PITPNC1: variants seen among roughly 807,000 people sequenced by gnomAD.
PITPNC1 encodes phosphatidylinositol transfer protein cytoplasmic 1.
Under a neutral mutation model 44.7 loss-of-function variants are expected in PITPNC1, and 18 were observed. That is an observed-to-expected ratio of 0.40 (90% confidence interval 0.28 to 0.60). The LOEUF is 0.60. PITPNC1 is among the 20% of genes least tolerant of loss of function. PITPNC1 has a pLI of 0.39. For missense variants in PITPNC1, 290 were observed against 418.4 expected (o/e 0.69, Z 2.68); for synonymous variants, 141 against 149.6 (o/e 0.94, Z 0.42).
At chr17:67,378,955 G>T in intron 1 of PITPNC1, 1 of 984,994 alleles carries the variant, frequency 1.0e-6, no homozygotes, top group Non-Finnish European at 1.2e-6. Flanking sequence ...CCGGGCGCGG[G>T]GCGGGGGCTC....
chr17:67,467,258 T>TCGA (rs1318972494), intron 1 of PITPNC1, among the ~76,000 whole-genome samples: 1 of 151,978 alleles, frequency 6.6e-6, no homozygotes, highest in East Asian at 1.9e-4. Flanking sequence ...TTCACCATGT[T>TCGA]GGCCAGGCTG....
chr17:67,429,668 A>G (rs1341087517), intron 1 of PITPNC1, among the ~76,000 whole-genome samples: 1 of 151,620 alleles, frequency 6.6e-6, no homozygotes, highest in African/African-American at 2.4e-5. Context: ...ACTGCACTCC[A>G]GCCTGGATGA....
At chr17:67,380,558 T>C (rs1016292387) in intron 1 of PITPNC1, among the ~76,000 whole-genome samples, 4 of 152,208 alleles carry the variant, frequency 2.6e-5, no homozygotes, top group Admixed American at 2.6e-4. Context: ...GATTAATAGA[T>C]GTTTCCAATT....
At chr17:67,617,275 G>A (rs1264966106) in intron 5 of PITPNC1, among the ~76,000 whole-genome samples, 2 of 152,236 alleles carry the variant, frequency 1.3e-5, no homozygotes, top group Admixed American at 6.5e-5. Flanking sequence ...GGAGGCCGAG[G>A]TGGGTGGATC....
intron 1 of PITPNC1, among the ~76,000 whole-genome samples, chr17:67,443,678 A>G (rs2039050835): frequency 7.6e-6 from 1 of 132,088 alleles, no homozygotes; most frequent in Admixed American, 8.6e-5. Flanking sequence ...TCTTTTGACC[A>G]GGCTGGAGTG....
intron 2 of PITPNC1, among the ~76,000 whole-genome samples, chr17:67,549,984 C>A (rs879897561): frequency 1.3e-5 from 2 of 152,096 alleles, no homozygotes; most frequent in Non-Finnish European, 2.9e-5. Flanking sequence ...AGGAAGGAAC[C>A]AGGGGAAGTT....
chr17:67,493,824 T>A (rs1312314470), intron 1 of PITPNC1, among the ~76,000 whole-genome samples: 1 of 152,228 alleles, frequency 6.6e-6, no homozygotes, highest in Non-Finnish European at 1.5e-5. Context: ...TTTGTCTTCC[T>A]TGCAGAATGA....
chr17:67,667,490 C>A (rs1422157751), intron 6 of PITPNC1, among the ~76,000 whole-genome samples: 162 of 107,596 alleles, frequency 1.5e-3, no homozygotes, highest in Admixed American at 2.1e-3. Context: ...GATCCTTTCT[C>A]AAAAAAAAAA....
chr17:67,523,584 G>T (rs2040355507), intron 1 of PITPNC1, among the ~76,000 whole-genome samples: 1 of 151,652 alleles, frequency 6.6e-6, no homozygotes, highest in Non-Finnish European at 1.5e-5. Flanking sequence ...GCTCAGAGAA[G>T]TAAATCGTCT....
At chr17:67,601,689 A>T (rs938379933) in intron 5 of PITPNC1, among the ~76,000 whole-genome samples, 1 of 152,144 alleles carries the variant, frequency 6.6e-6, no homozygotes, top group Non-Finnish European at 1.5e-5. Flanking sequence ...CAAGAGGTTG[A>T]GGCTGCAGTG....
At chr17:67,656,306 G>A (rs1316169790) in intron 6 of PITPNC1, among the ~76,000 whole-genome samples, 4 of 152,038 alleles carry the variant, frequency 2.6e-5, no homozygotes, top group African/African-American at 7.2e-5. Context: ...ATCTTCCAGC[G>A]GCTCCAAAAT....
intron 1 of PITPNC1, among the ~76,000 whole-genome samples, chr17:67,408,036 A>T (rs1354253673): frequency 6.6e-6 from 1 of 151,006 alleles, no homozygotes; most frequent in Non-Finnish European, 1.5e-5. Context: ...ATTGAACGCA[A>T]CCTCCGCCTC....
At chr17:67,390,554 G>A (rs369372812) in intron 1 of PITPNC1, among the ~76,000 whole-genome samples, 26 of 152,204 alleles carry the variant, frequency 1.7e-4, no homozygotes, top group Admixed American at 1.6e-3. Flanking sequence ...CACATGGCAC[G>A]TAAGTCCTTT....
At chr17:67,584,645 A>T (rs17655944) in intron 5 of PITPNC1, among the ~76,000 whole-genome samples, 2,525 of 152,350 alleles carry the variant, frequency 0.017, 33 homozygotes, top group South Asian at 0.046. Context: ...CATGCAAATA[A>T]GAGACATGAT....
At chr17:67,677,524 CTT>C (rs1228563445) in intron 8 of PITPNC1, among the ~76,000 whole-genome samples, 1 of 151,288 alleles carries the variant, frequency 6.6e-6, no homozygotes, top group Admixed American at 6.6e-5. Context: ...TGGGGCCTGA[CTT>C]TTCCATCTCA....
At chr17:67,586,425 C>CAAAA (rs33998127) in intron 5 of PITPNC1, among the ~76,000 whole-genome samples, 1,743 of 110,536 alleles carry the variant, frequency 0.016, 14 homozygotes, top group Middle Eastern at 0.035. Context: ...GTTTCTACTT[C>CAAAA]AAAAAAAAAA....
intron 4 of PITPNC1, among the ~76,000 whole-genome samples, chr17:67,569,206 T>C (rs16960978): frequency 0.018 from 2,693 of 152,350 alleles, 33 homozygotes; most frequent in Non-Finnish European, 0.025. Context: ...TTTCATTTTG[T>C]TCCTGTAAGT....
chr17:67,604,851 G>A lies in PITPNC1; in HGVS notation c.366+26594G>A, dbSNP rs142207791. Among the ~76,000 whole-genome samples, 418 of 152,102 alleles carry A rather than the reference G, an allele frequency of 2.7e-3. 5 individuals are homozygous for A. The highest frequency in any genetic ancestry group is 9.5e-3 in the African/African-American group (393 of 41,464). On this transcript the variant is annotated intron_variant, in intron 5 of 8. Coordinates refer to ENST00000581322, the MANE Select transcript of PITPNC1 (RefSeq NM_012417.4). Reference sequence around the variant, plus strand: ...TCCCAGCACTTTGGGAGGCTGAGGCGGACGGATCACCTGAGGCCAGGAGTT... The same window carrying A: ...TCCCAGCACTTTGGGAGGCTGAGGCAGACGGATCACCTGAGGCCAGGAGTT...
chr17:67,538,428 C>A (rs2144138605), intron 2 of PITPNC1, among the ~76,000 whole-genome samples: 1 of 152,188 alleles, frequency 6.6e-6, no homozygotes, highest in East Asian at 1.9e-4. Context: ...GACGAAACCG[C>A]ATCTCCACAA....
Sources: gnomAD v4.1 joint callset for allele counts (sites outside exome capture counted in the v4.1 genomes callset) on GRCh38, gnomAD v4.1.1 for gene constraint, MANE v1.5 for transcripts, NCBI Gene and HGNC (gene_info 2026-07-23, HGNC 2026-07-21) for gene names.